The following ANKRD27 variants were observed in gnomAD, a reference collection of about 807,000 sequenced individuals.
ANKRD27 encodes ankyrin repeat domain-containing protein 27.
A neutral mutation model predicts 129.7 loss-of-function variants in ANKRD27; 112 were observed. That is an observed-to-expected ratio of 0.86 (90% CI 0.74 to 1.01). ANKRD27 has a LOEUF of 1.01. ANKRD27 is among the 50% of genes least tolerant of loss of function. The probability of loss-of-function intolerance (pLI) is 0.00; values close to 1 mark genes in which losing one functional copy is unlikely to be tolerated. For missense variants in ANKRD27, 1,258 were observed against 1,300.5 expected (o/e 0.97, Z 0.50); for synonymous variants, 516 against 511.2 (o/e 1.01, Z -0.13).
intron 1 of ANKRD27, among the ~76,000 whole-genome samples, chr19:32,661,220 T>TAC (rs71176143): frequency 0.098 from 4,249 of 43,448 alleles, 139 homozygotes; most frequent in African/African-American, 0.15. Context: ...AAAAAAATTA[T>TAC]ACACACACAC....
rs1402164854 is a variant in ANKRD27 at position 32,675,160 on chromosome 19, C to T, written c.-120G>A. The T allele has an allele frequency of 1.3e-5, 2 of 152,434 alleles. No individual in the cohort carries two copies. Among genetic ancestry groups the T allele is most frequent in the Middle Eastern group, 3.4e-3 (1 of 294 alleles). The allele number at this position is 152,434 out of a possible 1,614,324, so 9.4% of individuals were successfully genotyped here. On this transcript the variant is annotated 5_prime_UTR_variant, in exon 1 of 29. Coordinates refer to ENST00000306065, the MANE Select transcript of ANKRD27 (RefSeq NM_032139.3). Reference sequence around the variant, plus strand: ...TGCTGGGACCTCGATGCCCACCACCCTCGCGCGGCGATCTGGCCCTATAGC... The same window carrying T: ...TGCTGGGACCTCGATGCCCACCACCTTCGCGCGGCGATCTGGCCCTATAGC...
chr19:32,617,753 G>GTTTTT (rs375079407), intron 20 of ANKRD27, 120 bp from the exon 21 acceptor site: 4 of 296,496 alleles, frequency 1.3e-5, no homozygotes, highest in South Asian at 5.2e-5. Context: ...GTCTGATTTA[G>GTTTTT]TTTTTTTTTT....
At chr19:32,602,154 T>C in intron 25 of ANKRD27, 28 bp from the exon 26 acceptor site, 2 of 1,352,726 alleles carry the variant, frequency 1.5e-6, no homozygotes, top group Admixed American at 1.7e-5. Context: ...AAAGGAACAG[T>C]AATGTTTTTA....
intron 12 of ANKRD27, 75 bp from the exon 13 acceptor site, chr19:32,631,569 C>A: frequency 8.4e-7 from 1 of 1,184,384 alleles, no homozygotes. Flanking sequence ...AGCAACAACC[C>A]CGGCTGTCTC....
intron 10 of ANKRD27, among the ~76,000 whole-genome samples, chr19:32,641,439 T>C (rs1967198880): frequency 6.6e-6 from 1 of 152,152 alleles, no homozygotes; most frequent in Admixed American, 6.5e-5. Flanking sequence ...TTTTTTCCAT[T>C]TTGAAATTTT....
At chr19:32,658,630 C>T (rs867160695) in intron 2 of ANKRD27, among the ~76,000 whole-genome samples, 9 of 152,142 alleles carry the variant, frequency 5.9e-5, no homozygotes, top group Admixed American at 3.9e-4. Context: ...AGCACCGCAG[C>T]GTGAGACCAA....
At chr19:32,613,330 A>G (rs923293662) in intron 22 of ANKRD27, among the ~76,000 whole-genome samples, 3 of 152,222 alleles carry the variant, frequency 2.0e-5, no homozygotes, top group Non-Finnish European at 4.4e-5. Flanking sequence ...GCTGGTGGGC[A>G]TGTAAAATGA....
At chr19:32,614,777 C>A (rs914492575) in intron 22 of ANKRD27, among the ~76,000 whole-genome samples, 20 of 152,022 alleles carry the variant, frequency 1.3e-4, no homozygotes, top group Non-Finnish European at 2.5e-4. Context: ...GATACATAAA[C>A]CTACACATGT....
chr19:32,642,762 A>T (rs1967225312), intron 9 of ANKRD27, among the ~76,000 whole-genome samples: 1 of 152,038 alleles, frequency 6.6e-6, no homozygotes, highest in South Asian at 2.1e-4. Context: ...TAAAGAAATG[A>T]ATTAACTCCT....
intron 17 of ANKRD27, among the ~76,000 whole-genome samples, chr19:32,623,212 G>A (rs1046316897): frequency 1.3e-5 from 2 of 152,192 alleles, no homozygotes; most frequent in African/African-American, 4.8e-5. Context: ...GCTAACCACT[G>A]AGAGGCCTGC....
chr19:32,601,143 AC>A (rs1218206938), intron 26 of ANKRD27, among the ~76,000 whole-genome samples: 2 of 151,902 alleles, frequency 1.3e-5, no homozygotes, highest in Non-Finnish European at 2.9e-5. Context: ...TACTAAAAAT[AC>A]AAAAATTAGC....
Position 32,605,866 on chromosome 19 carries a change from C to A in ANKRD27, c.2462G>T (p.Gly821Val), listed in dbSNP as rs1394669837. The change falls in exon 24 of 29, where the codon GGC (glycine) becomes GTC (valine). Residue 821 changes from glycine to valine, a missense_variant. Gly to Val is a moderately radical substitution (Grantham distance 109). Coordinates refer to ENST00000306065, the MANE Select transcript of ANKRD27 (RefSeq NM_032139.3). Reference protein sequence around the residue: ...NTPLIYACSGGHHELVALLLQ... With the variant: ...NTPLIYACSGVHHELVALLLQ... ...CAGCAGTGCCACAAGCTCGTGATGG[C>A]CACCGGAGCAGGCGTAAATGAGGGG... The A allele has an allele frequency of 6.2e-7, 1 of 1,613,932 alleles. No homozygotes were observed. Among genetic ancestry groups the A allele is most frequent in the Admixed American group, 1.7e-5 (1 of 60,006 alleles).
chr19:32,597,265 A>T lies in ANKRD27; in HGVS notation c.*880T>A, dbSNP rs2145250909. On this transcript the variant is annotated 3_prime_UTR_variant, in exon 29 of 29. Transcript: ENST00000306065. ...AACAGTATAATCTATAGAAATTTAT[A>T]AAAAGGAATAAATGGCAATAAATTC... 6.5e-6 allele frequency: 1 copy of T among 152,776 alleles called. No individual in the cohort carries two copies. The highest frequency in any genetic ancestry group is 2.4e-5 in the African/African-American group (1 of 41,578). 9.5% of individuals were successfully genotyped at this position (152,776 alleles called of 1,614,324 possible). A position where few individuals can be genotyped will look rare whatever the true frequency, so the allele number is the denominator to read the frequency against.
chr19:32,631,956 G>C (rs919586576), intron 12 of ANKRD27, among the ~76,000 whole-genome samples: 3 of 152,220 alleles, frequency 2.0e-5, no homozygotes, highest in Admixed American at 2.0e-4. Flanking sequence ...ACCAGCAGGA[G>C]AGAGAGGGGT....
At chr19:32,665,649 T>C (rs259266) in intron 1 of ANKRD27, among the ~76,000 whole-genome samples, 121,639 of 151,804 alleles carry the variant, frequency 0.8, 49,209 homozygotes, top group African/African-American at 0.91. Context: ...TTAGTAGAGA[T>C]GGGGTTTCGC....
Position 32,639,534 on chromosome 19 carries a change from C to A in ANKRD27, c.984-46G>T, listed in dbSNP as rs1411443357. 5.1e-6 allele frequency: 8 copies of A among 1,583,650 alleles called. No homozygotes were observed. In the Admixed American group the frequency reaches 7.2e-5, roughly 14 times the overall value. On this transcript the variant is annotated intron_variant, in intron 11 of 28. Coordinates refer to ENST00000306065, the MANE Select transcript of ANKRD27 (RefSeq NM_032139.3). ...GTTATGTTGTTGTCTATCCAAGTCA[C>A]ACTTCTGCAAAAAAAATATCATTGG...
In ANKRD27 at chr19:32,597,913, AT is replaced by A; in HGVS notation, c.*231del. The A allele has an allele frequency of 1.8e-6, 1 of 567,652 alleles. No individual in the cohort carries two copies. Among genetic ancestry groups the A allele is most frequent in the Admixed American group, 3.0e-5 (1 of 32,870 alleles). 35.2% of individuals were successfully genotyped at this position (567,652 alleles called of 1,614,324 possible). A position where few individuals can be genotyped will look rare whatever the true frequency, so the allele number is the denominator to read the frequency against. On this transcript the variant is annotated 3_prime_UTR_variant, in exon 29 of 29. Transcript: ENST00000306065. Reference sequence around the variant, plus strand: ...GCTTAAGGATCTGGATGCTACTGGAATTTTTGTCTGTTTCAATTGTATTCAT... The same window carrying A: ...GCTTAAGGATCTGGATGCTACTGGAATTTTGTCTGTTTCAATTGTATTCAT...
At chr19:32,645,589 C>A (rs1310839939) in intron 4 of ANKRD27, among the ~76,000 whole-genome samples, 1 of 151,810 alleles carries the variant, frequency 6.6e-6, no homozygotes, top group Non-Finnish European at 1.5e-5. Context: ...CAGGCATGCA[C>A]CACCATGCCC....
In ANKRD27 at chr19:32,612,698, G is replaced by A. The variant is rs75866879; in HGVS notation, c.2175+2960C>T. Among the ~76,000 whole-genome samples, 650 of 152,290 alleles carry A rather than the reference G, an allele frequency of 4.3e-3. 18 individuals are homozygous for A. In the East Asian group the frequency reaches 0.072, roughly 17 times the overall value. On this transcript the variant is annotated intron_variant, in intron 22 of 28. Transcript: ENST00000306065. ...TGCAAAGGCAAGTCACGGGAGGAAG[G>A]AGAGGCTTTTCAACAAATGGTGCTG...
Sources: allele counts gnomAD v4.1 joint callset (sites outside exome capture counted in the v4.1 genomes callset), GRCh38; gene constraint gnomAD v4.1.1; transcripts MANE v1.5; gene names NCBI Gene and HGNC (gene_info 2026-07-23, HGNC 2026-07-21).